CCDC198: variants seen among roughly 807,000 people sequenced by gnomAD.
The protein encoded by CCDC198 is coiled-coil domain containing 198.
CCDC198 carries 18 observed loss-of-function variants against 35.6 expected under a neutral mutation model. The observed-to-expected ratio is 0.51, with a 90% CI of 0.35 to 0.75. CCDC198 has a LOEUF of 0.75. Ranked by LOEUF, CCDC198 falls within the 30% of genes least tolerant of loss-of-function variation. CCDC198 has a pLI of 0.01. For missense variants in CCDC198, 365 were observed against 343.7 expected, an observed-to-expected ratio of 1.06 and a Z score of -0.49; for synonymous variants, 119 against 113.4, an observed-to-expected ratio of 1.05 and a Z score of -0.31.
At chr14:57,491,483 A>G (rs1404725851) in intron 1 of CCDC198, among the ~76,000 whole-genome samples, 3 of 152,168 alleles carry the variant, frequency 2.0e-5, no homozygotes, top group Non-Finnish European at 4.4e-5. Context: ...AATGAAAACA[A>G]TCTTCTTAGA....
Position 57,471,504 on chromosome 14 carries a change from G to T in CCDC198, c.742C>A (p.His248Asn). 1.2e-6 allele frequency: 2 copies of T among 1,613,844 alleles called. No individual in the cohort carries two copies. Among genetic ancestry groups the T allele is most frequent in the South Asian group, 2.2e-5 (2 of 91,054 alleles). The change falls in exon 6 of 6, where the codon CAT (histidine) becomes AAT (asparagine). Residue 248 changes from histidine to asparagine, a missense_variant. By Grantham distance (68) the His-to-Asn change is moderately conservative. Transcript: ENST00000216445. ...WKIGKMETWLHEQEAQGQLLW... is the reference protein window; with the variant it reads ...WKIGKMETWLNEQEAQGQLLW... ...AGCTGTCCCTGGGCCTCTTGTTCAT[G>T]AAGCCATGTTTCCATTTTGCCAATT...
chr14:57,476,167 A>G (rs190997823), intron 5 of CCDC198, among the ~76,000 whole-genome samples: 1 of 152,300 alleles, frequency 6.6e-6, no homozygotes, highest in East Asian at 1.9e-4. Context: ...TAAACTTTAC[A>G]TGGTATACAA....
At position 57,491,023 on chromosome 14, in the gene CCDC198, C is replaced by T; in HGVS notation, c.272G>A (p.Ser91Asn). The change falls in exon 2 of 6, where the codon AGT becomes AAT. Residue 91 changes from serine (S) to asparagine (N), a missense_variant. Ser to Asn is a conservative substitution (Grantham distance 46). Transcript: ENST00000216445. ...FDIPLEHRET[S>N]IIKRHPPQRL... ...TTGGGGTGGATGCCTTTTAATAATA[C>T]TTGTTTCTCTGTGTTCCAGTGGGAT... 1.9e-6 allele frequency: 3 copies of T among 1,609,518 alleles called. No homozygotes were observed. The highest frequency in any genetic ancestry group is 2.2e-5 in the East Asian group (1 of 44,774).
intron 3 of CCDC198, 142 bp downstream of exon 3, chr14:57,482,923 A>T (rs1364387310): frequency 2.6e-6 from 3 of 1,155,014 alleles, no homozygotes; most frequent in Admixed American, 2.4e-5. Flanking sequence ...AAAAGTTCTC[A>T]CTCTGAATGA....
At chr14:57,479,218 T>C (rs1041358025) in intron 5 of CCDC198, among the ~76,000 whole-genome samples, 9 of 152,090 alleles carry the variant, frequency 5.9e-5, no homozygotes, top group Non-Finnish European at 8.8e-5. Flanking sequence ...AGGTAGGCAA[T>C]GACTAGATCC....
chr14:57,483,557 A>G (rs2067257418), intron 2 of CCDC198, among the ~76,000 whole-genome samples: 1 of 152,176 alleles, frequency 6.6e-6, no homozygotes, highest in South Asian at 2.1e-4. Context: ...GCCCTTAGGG[A>G]AGCAATCTGT....
chr14:57,478,518 C>T, intron 5 of CCDC198: 1 of 986,808 alleles, frequency 1.0e-6, no homozygotes, highest in Non-Finnish European at 1.2e-6. Flanking sequence ...CAGAGGAAAA[C>T]CCCTTTCTCC....
intron 2 of CCDC198, among the ~76,000 whole-genome samples, chr14:57,487,272 C>G (rs988836180): frequency 6.6e-6 from 1 of 152,120 alleles, no homozygotes; most frequent in Non-Finnish European, 1.5e-5. Context: ...TCAAACAAAA[C>G]AAATGATCAG....
At chr14:57,490,752 A>G (rs1425013045) in intron 2 of CCDC198, among the ~76,000 whole-genome samples, 1 of 152,132 alleles carries the variant, frequency 6.6e-6, no homozygotes, top group Admixed American at 6.6e-5. Flanking sequence ...CTTGAATTCC[A>G]TGGTATCTAT....
intron 2 of CCDC198, among the ~76,000 whole-genome samples, chr14:57,489,666 T>C (rs1015820470): frequency 5.9e-5 from 9 of 152,124 alleles, no homozygotes; most frequent in Non-Finnish European, 7.4e-5. Flanking sequence ...CAATGTTCTC[T>C]TTTTGACCTT....
chr14:57,475,032 C>T (rs921134206), intron 5 of CCDC198, among the ~76,000 whole-genome samples: 27 of 152,194 alleles, frequency 1.8e-4, no homozygotes, highest in East Asian at 1.2e-3. Context: ...GAGGCCGAGG[C>T]GGGCGGATCA....
chr14:57,486,569 C>A (rs1305334756), intron 2 of CCDC198, among the ~76,000 whole-genome samples: 4 of 152,082 alleles, frequency 2.6e-5, no homozygotes. Flanking sequence ...AAAACTCTCC[C>A]AGGGATTCTG....
At chr14:57,492,725 A>G (rs2067618013) in intron 1 of CCDC198, among the ~76,000 whole-genome samples, 1 of 152,138 alleles carries the variant, frequency 6.6e-6, no homozygotes, top group African/African-American at 2.4e-5. Flanking sequence ...AGGGAAACTT[A>G]TTTGTGTTAT....
chr14:57,474,222 T>C (rs1594778110), intron 5 of CCDC198, among the ~76,000 whole-genome samples: 1 of 152,324 alleles, frequency 6.6e-6, no homozygotes, highest in African/African-American at 2.4e-5. Flanking sequence ...AATAGATGAA[T>C]AAATGAATAA....
intron 5 of CCDC198, among the ~76,000 whole-genome samples, chr14:57,471,983 A>T (rs1047369901): frequency 3.9e-5 from 6 of 151,932 alleles, no homozygotes; most frequent in Non-Finnish European, 8.8e-5. Flanking sequence ...ATATCACTAC[A>T]AATCTCTTAA....
chr14:57,489,019 C>T (rs964081647), intron 2 of CCDC198, among the ~76,000 whole-genome samples: 1 of 152,126 alleles, frequency 6.6e-6, no homozygotes, highest in African/African-American at 2.4e-5. Flanking sequence ...AATCCCGTTA[C>T]TGGGTATATA....
intron 2 of CCDC198, among the ~76,000 whole-genome samples, chr14:57,489,964 T>TTTA (rs1256085565): frequency 6.6e-6 from 1 of 152,190 alleles, no homozygotes; most frequent in Non-Finnish European, 1.5e-5. Context: ...TTTATTTTTC[T>TTTA]TTATCTAAAT....
intron 5 of CCDC198, among the ~76,000 whole-genome samples, chr14:57,479,333 C>T (rs1210195258): frequency 6.6e-6 from 1 of 152,142 alleles, no homozygotes; most frequent in Non-Finnish European, 1.5e-5. Flanking sequence ...AGGTTGTCCT[C>T]CCACCTCAGC....
At chr14:57,491,157 C>T in intron 1 of CCDC198, 86 bp from the exon 2 acceptor site, 1 of 1,375,122 alleles carries the variant, frequency 7.3e-7, no homozygotes. Flanking sequence ...TAGACTTTGT[C>T]AACACAATTT....
Sources: gnomAD v4.1 joint callset for allele counts (sites outside exome capture counted in the v4.1 genomes callset) on GRCh38, gnomAD v4.1.1 for gene constraint, MANE v1.5 for transcripts, NCBI Gene and HGNC (gene_info 2026-07-23, HGNC 2026-07-21) for gene names.